The following PCDH15 variants were observed in gnomAD, a reference collection of about 807,000 sequenced individuals.
PCDH15 encodes protocadherin related 15, also known as protocadherin-15.
PCDH15 carries 129 observed loss-of-function variants against 178.5 expected under a neutral mutation model. The observed-to-expected ratio is 0.72, with a 90% CI of 0.63 to 0.84. The LOEUF (loss-of-function observed/expected upper bound fraction) is 0.84. Ranked by LOEUF, PCDH15 falls within the 40% of genes least tolerant of loss-of-function variation. PCDH15 has a pLI of 0.00. For missense variants in PCDH15, 2,230 were observed against 2,099.9 expected, an observed-to-expected ratio of 1.06 and a Z score of -1.21; for synonymous variants, 800 against 732.0, an observed-to-expected ratio of 1.09 and a Z score of -1.50.
At chr10:54,580,909 T>C (rs529888405) in intron 2 of PCDH15, among the ~76,000 whole-genome samples, 10 of 152,176 alleles carry the variant, frequency 6.6e-5, no homozygotes, top group African/African-American at 2.2e-4. Context: ...CATCTCTTCA[T>C]GATAAAAATA....
chr10:54,520,685 A>C (rs1420098012), intron 3 of PCDH15, among the ~76,000 whole-genome samples: 1 of 151,238 alleles, frequency 6.6e-6, no homozygotes, highest in African/African-American at 2.4e-5. Flanking sequence ...AACTAGATAT[A>C]CCATTTGACC....
intron 2 of PCDH15, among the ~76,000 whole-genome samples, chr10:54,595,903 A>T (rs2092209865): frequency 6.6e-6 from 1 of 152,314 alleles, no homozygotes; most frequent in East Asian, 1.9e-4. Context: ...TAAGATGGTC[A>T]GACAAGAATA....
chr10:53,877,507 C>T (rs1246219760), intron 26 of PCDH15, among the ~76,000 whole-genome samples: 1 of 152,096 alleles, frequency 6.6e-6, no homozygotes, highest in Non-Finnish European at 1.5e-5. Context: ...TGTAGTTATA[C>T]ATCCTAAATC....
rs1177354639 is a variant in PCDH15 at position 55,437,828 on chromosome 10, T to TTTTC, written c.-156+189793_-156+189796dup. ...TGGACCAAATTGTCTTTCTTATTGCTTTTCTTTTTTTTTTTTTTTTTTTTT... is the reference window on the plus strand; with the variant it reads ...TGGACCAAATTGTCTTTCTTATTGCTTTTCTTTCTTTTTTTTTTTTTTTTTTTTT... On this transcript the variant is annotated intron_variant, in intron 2 of 5. Coordinates refer to the PCDH15 transcript ENST00000613346. Among the ~76,000 whole-genome samples the TTTTC allele has an allele frequency of 6.1e-4, 83 of 135,452 alleles. 1 individual carries two copies. Among genetic ancestry groups the TTTTC allele is most frequent in the African/African-American group, 2.4e-3 (76 of 32,276 alleles). 88.9% of individuals were successfully genotyped at this position (135,452 alleles called of 152,430 possible).
intron 1 of PCDH15, among the ~76,000 whole-genome samples, chr10:54,729,355 T>C (rs1943024588): frequency 6.6e-6 from 1 of 151,672 alleles, no homozygotes; most frequent in South Asian, 2.1e-4. Context: ...CTGCAGCAAC[T>C]GGCTAGCCCT....
At chr10:54,590,756 G>T (rs2091832177) in intron 2 of PCDH15, among the ~76,000 whole-genome samples, 1 of 152,056 alleles carries the variant, frequency 6.6e-6, no homozygotes, top group Admixed American at 6.6e-5. Flanking sequence ...GTAAGAATCT[G>T]ATGAGTTAAA....
Position 54,666,876 on chromosome 10 carries a change from T to C in PCDH15, c.-28-2586A>G, listed in dbSNP as rs534959035. Among the ~76,000 whole-genome samples the C allele has an allele frequency of 2.0e-5, 3 of 152,136 alleles. No individual in the cohort carries two copies. The South Asian group carries it at 6.2e-4, about 31-fold the overall frequency. ...CACAAATTATGGCATATTCTTTTAT[T>C]CCTAACTGAAGCTAATTTGGTTTCA... On this transcript the variant is annotated intron_variant, in intron 1 of 37. Transcript: ENST00000644397.
chr10:54,844,687 C>T (rs941058011), intron 3 of PCDH15, among the ~76,000 whole-genome samples: 5 of 151,838 alleles, frequency 3.3e-5, no homozygotes, highest in Non-Finnish European at 7.4e-5. Context: ...TCACTGAAAA[C>T]ACTGTTAACA....
chr10:55,152,259 G>GA (rs748440900), intron 2 of PCDH15, among the ~76,000 whole-genome samples: 13 of 152,142 alleles, frequency 8.5e-5, no homozygotes, highest in Admixed American at 2.6e-4. Flanking sequence ...TTTCTACAGT[G>GA]AAACATGAAT....
At chr10:55,507,481 T>G (rs1415131767) in intron 2 of PCDH15, among the ~76,000 whole-genome samples, 1 of 151,630 alleles carries the variant, frequency 6.6e-6, no homozygotes, top group Non-Finnish European at 1.5e-5. Context: ...ATCTAAGCTA[T>G]AAAATCAATG....
chr10:53,994,155 T>C (rs2091700314), intron 21 of PCDH15, among the ~76,000 whole-genome samples: 1 of 152,204 alleles, frequency 6.6e-6, no homozygotes, highest in African/African-American at 2.4e-5. Flanking sequence ...CCTTGGTGGA[T>C]GCGCTCTGAA....
At chr10:55,382,301 G>A (rs978651666) in intron 2 of PCDH15, among the ~76,000 whole-genome samples, 1 of 152,038 alleles carries the variant, frequency 6.6e-6, no homozygotes, top group Non-Finnish European at 1.5e-5. Context: ...ATATTGCATG[G>A]AAACAAAAAT....
At chr10:55,528,541 A>G (rs1841363911) in intron 2 of PCDH15, among the ~76,000 whole-genome samples, 2 of 152,058 alleles carry the variant, frequency 1.3e-5, no homozygotes, top group Admixed American at 1.3e-4. Context: ...CCATGTCCCT[A>G]CAAAGGACAT....
chr10:54,440,007 G>A (rs1197916336), intron 3 of PCDH15, among the ~76,000 whole-genome samples: 1 of 151,866 alleles, frequency 6.6e-6, no homozygotes, highest in Admixed American at 6.6e-5. Flanking sequence ...TTAAAGTCCT[G>A]GTTGTTCTGA....
intron 25 of PCDH15, among the ~76,000 whole-genome samples, chr10:53,933,275 T>G (rs963785787): frequency 3.9e-5 from 6 of 152,014 alleles, no homozygotes; most frequent in Non-Finnish European, 5.9e-5. Flanking sequence ...CTGCACCCAT[T>G]AACTCTTCAA....
intron 1 of PCDH15, among the ~76,000 whole-genome samples, chr10:54,669,536 G>A (rs920944444): frequency 2.0e-5 from 3 of 148,310 alleles, no homozygotes; most frequent in East Asian, 2.0e-4. Context: ...TGATATTATC[G>A]CCCACTTTTT....
chr10:55,128,672 G>T (rs1487290732), intron 2 of PCDH15, among the ~76,000 whole-genome samples: 1 of 151,872 alleles, frequency 6.6e-6, no homozygotes, highest in East Asian at 1.9e-4. Context: ...GCCTCACTCT[G>T]CCCTCCCTTA....
At chr10:54,180,936 G>A (rs969715168) in intron 13 of PCDH15, among the ~76,000 whole-genome samples, 2 of 152,094 alleles carry the variant, frequency 1.3e-5, no homozygotes, top group East Asian at 3.8e-4. Context: ...ATACATAAGG[G>A]AAATTAACTT....
At chr10:55,264,775 T>G (rs566672921) in intron 1 of PCDH15, among the ~76,000 whole-genome samples, 4 of 152,264 alleles carry the variant, frequency 2.6e-5, no homozygotes, top group Admixed American at 1.3e-4. Context: ...AATTATGATT[T>G]ACAGCAAGGA....
Sources: gnomAD v4.1 joint callset for allele counts (sites outside exome capture counted in the v4.1 genomes callset) on GRCh38, gnomAD v4.1.1 for gene constraint, MANE v1.5 for transcripts, NCBI Gene and HGNC (gene_info 2026-07-23, HGNC 2026-07-21) for gene names.